RORA: variants seen among roughly 807,000 people sequenced by gnomAD.
RORA encodes nuclear receptor ROR-alpha.
RORA carries 7 observed loss-of-function variants against 69.5 expected under a neutral mutation model. The observed-to-expected ratio is 0.10, with a 90% CI of 0.06 to 0.19. The LOEUF (loss-of-function observed/expected upper bound fraction) is 0.19, where lower values mean the gene tolerates loss of function less well. Ranked by LOEUF, RORA falls within the 10% of genes least tolerant of loss-of-function variation. The pLI, the probability that RORA is intolerant of heterozygous loss-of-function variation, is 1.00. For synonymous variants in RORA, 261 were observed against 240.8 expected, an observed-to-expected ratio of 1.08 and a Z score of -0.78; for missense variants, 457 against 663.0, an observed-to-expected ratio of 0.69 and a Z score of 3.41.
chr15:60,861,496 C>T (rs779964008), intron 1 of RORA, among the ~76,000 whole-genome samples: 10 of 152,134 alleles, frequency 6.6e-5, no homozygotes, highest in Non-Finnish European at 1.5e-4. Flanking sequence ...AAAAGGCAGA[C>T]AGTCACTCTC....
At chr15:60,535,336 A>T (rs1317216624) in intron 2 of RORA, among the ~76,000 whole-genome samples, 1 of 152,248 alleles carries the variant, frequency 6.6e-6, no homozygotes. Flanking sequence ...CTTGCTATGA[A>T]AAATTCTAAT....
At chr15:61,074,374 C>A (rs544113271) in intron 1 of RORA, among the ~76,000 whole-genome samples, 2 of 152,328 alleles carry the variant, frequency 1.3e-5, no homozygotes, top group African/African-American at 4.8e-5. Flanking sequence ...CATACAAGCA[C>A]CTACTCTGTC....
At chr15:61,206,542 A>C (rs1253416550) in intron 1 of RORA, among the ~76,000 whole-genome samples, 1 of 152,220 alleles carries the variant, frequency 6.6e-6, no homozygotes, top group African/African-American at 2.4e-5. Context: ...CTATGATAAT[A>C]CCATAATATA....
chr15:60,824,781 T>C (rs2072936035), intron 1 of RORA, among the ~76,000 whole-genome samples: 1 of 152,200 alleles, frequency 6.6e-6, no homozygotes, highest in Non-Finnish European at 1.5e-5. Flanking sequence ...CCAAACCTAA[T>C]CTCAACTCAC....
In RORA at chr15:60,740,832, T is replaced by C. The variant is rs569302149; in HGVS notation, c.167-62146A>G. 2.4e-4 allele frequency among the ~76,000 whole-genome samples: 37 copies of C among 152,280 alleles called. 2 individuals carry two copies. The South Asian group carries it at 6.2e-3, about 26-fold the overall frequency. ...CACAGCTTTGGTGGTTTTATGACCA[T>C]ACTGAAGGAGCTAGCAGAATCCTGT... is the stretch of plus-strand genomic sequence containing the variant. On this transcript the variant is annotated intron_variant, in intron 1 of 10. Coordinates refer to ENST00000335670, the MANE Select transcript of RORA (RefSeq NM_134261.3).
chr15:60,728,068 A>G (rs1052346499), intron 1 of RORA, among the ~76,000 whole-genome samples: 1 of 152,214 alleles, frequency 6.6e-6, no homozygotes, highest in African/African-American at 2.4e-5. Flanking sequence ...TATCAAAAGA[A>G]CGAATGCCAA....
At chr15:60,626,460 C>T (rs2069584311) in intron 2 of RORA, among the ~76,000 whole-genome samples, 1 of 152,124 alleles carries the variant, frequency 6.6e-6, no homozygotes, top group African/African-American at 2.4e-5. Context: ...CAAGAATGCA[C>T]ATGGAGTAAT....
At chr15:60,871,342 C>T (rs1165143025) in intron 1 of RORA, among the ~76,000 whole-genome samples, 2 of 152,178 alleles carry the variant, frequency 1.3e-5, no homozygotes, top group East Asian at 1.9e-4. Context: ...GTTCAGCCTA[C>T]AAGCTTAAGG....
At chr15:60,907,227 C>T (rs1033850158) in intron 1 of RORA, among the ~76,000 whole-genome samples, 16 of 152,236 alleles carry the variant, frequency 1.1e-4, no homozygotes, top group African/African-American at 3.4e-4. Flanking sequence ...GGCTACACGG[C>T]ACAGAAGAGT....
chr15:60,707,165 C>A (rs2071074422), intron 1 of RORA, among the ~76,000 whole-genome samples: 1 of 152,010 alleles, frequency 6.6e-6, no homozygotes, highest in African/African-American at 2.4e-5. Flanking sequence ...GACAGGTGAG[C>A]ATCTACTGAA....
chr15:61,113,544 G>T (rs1174430188), intron 1 of RORA, among the ~76,000 whole-genome samples: 1 of 152,166 alleles, frequency 6.6e-6, no homozygotes, highest in Admixed American at 6.5e-5. Context: ...CAAAAAGGCT[G>T]GAATGATACA....
At chr15:60,516,914 T>C (rs1318386068) in intron 3 of RORA, among the ~76,000 whole-genome samples, 1 of 152,002 alleles carries the variant, frequency 6.6e-6, no homozygotes, top group Non-Finnish European at 1.5e-5. Context: ...ATTATTGATA[T>C]AAAAGGTGAT....
At position 60,759,582 on chromosome 15, in the gene RORA, G is replaced by A. The variant is rs543123238; in HGVS notation, c.167-80896C>T. Among the ~76,000 whole-genome samples the A allele has an allele frequency of 3.9e-5, 6 of 152,260 alleles. No individual in the cohort carries two copies. In the South Asian group the frequency reaches 1.2e-3, roughly 32 times the overall value. On this transcript the variant is annotated intron_variant, in intron 1 of 10. Coordinates refer to ENST00000335670, the MANE Select transcript of RORA (RefSeq NM_134261.3). The stretch of plus-strand genomic sequence containing the variant: ...GGATCACATTTTGCGTGCAACCACA[G>A]CTCCAGACCTGAAAGACTGGCCGTC...
At chr15:60,679,112 T>C (rs560035521) in intron 1 of RORA, among the ~76,000 whole-genome samples, 2 of 152,306 alleles carry the variant, frequency 1.3e-5, no homozygotes, top group Non-Finnish European at 2.9e-5. Context: ...CCATTGGTTC[T>C]GTGTTTACTC....
chr15:60,555,728 GA>G (rs1303299998), intron 2 of RORA, among the ~76,000 whole-genome samples: 2 of 151,462 alleles, frequency 1.3e-5, no homozygotes, highest in East Asian at 1.9e-4. Flanking sequence ...GGCTGAAACG[GA>G]AAAAAAACTG....
chr15:60,834,863 T>G (rs2073095422), intron 1 of RORA, among the ~76,000 whole-genome samples: 1 of 152,012 alleles, frequency 6.6e-6, no homozygotes, highest in African/African-American at 2.4e-5. Context: ...CACACTGCAA[T>G]AGTATATTTT....
At chr15:60,801,009 C>A (rs139485870) in intron 1 of RORA, among the ~76,000 whole-genome samples, 1 of 152,138 alleles carries the variant, frequency 6.6e-6, no homozygotes, top group Admixed American at 6.5e-5. Context: ...TTAAAGTGAA[C>A]CACTGAAAAA....
chr15:60,852,839 A>T (rs2073340199), intron 1 of RORA, among the ~76,000 whole-genome samples: 1 of 151,394 alleles, frequency 6.6e-6, no homozygotes, highest in African/African-American at 2.4e-5. Context: ...GGTGCAATAA[A>T]TAATGTCATT....
intron 1 of RORA, among the ~76,000 whole-genome samples, chr15:60,898,341 T>C (rs1375871128): frequency 2.0e-5 from 3 of 151,950 alleles, no homozygotes; most frequent in Admixed American, 2.0e-4. Context: ...GAGAAGTAAA[T>C]AAACTGGTAA....
Sources: allele counts gnomAD v4.1 joint callset (sites outside exome capture counted in the v4.1 genomes callset), GRCh38; gene constraint gnomAD v4.1.1; transcripts MANE v1.5; gene names NCBI Gene and HGNC (gene_info 2026-07-23, HGNC 2026-07-21).